The following ZDHHC14 variants were observed in gnomAD, a reference collection of about 807,000 sequenced individuals.
ZDHHC14 encodes the protein palmitoyltransferase ZDHHC14.
ZDHHC14 carries 16 observed loss-of-function variants against 47.7 expected under a neutral mutation model. The ratio of observed to expected loss-of-function variants is 0.34; its 90% CI spans 0.23 to 0.51. ZDHHC14 has a LOEUF of 0.51. Ranked by LOEUF, ZDHHC14 falls within the 20% of genes least tolerant of loss-of-function variation. The pLI is 0.97. For missense variants in ZDHHC14, 515 were observed against 662.5 expected (o/e 0.78, Z 2.44); for synonymous variants, 293 against 278.9 (o/e 1.05, Z -0.50).
intron 1 of ZDHHC14, among the ~76,000 whole-genome samples, chr6:157,511,390 T>C (rs1421193682): frequency 1.3e-5 from 2 of 151,382 alleles, no homozygotes; most frequent in Non-Finnish European, 2.9e-5. Flanking sequence ...GGAAACTTTT[T>C]TTTTTTTTGA....
chr6:157,389,024 A>G lies in ZDHHC14; in HGVS notation c.245+6758A>G, dbSNP rs144550276. Among the ~76,000 whole-genome samples the G allele has an allele frequency of 9.5e-4, 145 of 152,326 alleles. 1 individual carries two copies. Among genetic ancestry groups the G allele is most frequent in the African/African-American group, 3.4e-3 (140 of 41,572 alleles). On this transcript the variant is annotated intron_variant, in intron 1 of 8. Coordinates refer to ENST00000359775, the MANE Select transcript of ZDHHC14 (RefSeq NM_024630.3). ...GTTTGGTTTATTTTTCTTTACAAAT[A>G]TGGTATCATGTATCATGCCATATGT...
intron 3 of ZDHHC14, among the ~76,000 whole-genome samples, chr6:157,603,163 A>G (rs1052199628): frequency 3.3e-5 from 5 of 152,178 alleles, no homozygotes; most frequent in Admixed American, 6.5e-5. Flanking sequence ...GAATCCAGCC[A>G]TCTCTGTGGA....
chr6:157,531,632 C>T (rs905663056), intron 1 of ZDHHC14, among the ~76,000 whole-genome samples: 12 of 151,190 alleles, frequency 7.9e-5, no homozygotes. Context: ...TGCCAGGAAG[C>T]GAGGGTCTTG....
chr6:157,410,173 C>T (rs892294411), intron 1 of ZDHHC14, among the ~76,000 whole-genome samples: 5 of 152,154 alleles, frequency 3.3e-5, no homozygotes, highest in African/African-American at 1.2e-4. Flanking sequence ...CTGTCCTTTC[C>T]TTGTGGCTTC....
chr6:157,615,980 C>A (rs1283864861), intron 3 of ZDHHC14, among the ~76,000 whole-genome samples: 2 of 152,194 alleles, frequency 1.3e-5, no homozygotes, highest in African/African-American at 4.8e-5. Flanking sequence ...GCTTGGAAAC[C>A]CAGACCTCAG....
intron 1 of ZDHHC14, among the ~76,000 whole-genome samples, chr6:157,440,451 G>A (rs909836807): frequency 6.6e-6 from 1 of 152,152 alleles, no homozygotes; most frequent in Admixed American, 6.6e-5. Context: ...CTTGTACATT[G>A]CTGGTGGGAA....
At chr6:157,533,819 T>C (rs1411687168) in intron 1 of ZDHHC14, among the ~76,000 whole-genome samples, 1 of 152,200 alleles carries the variant, frequency 6.6e-6, no homozygotes, top group East Asian at 1.9e-4. Flanking sequence ...GCTCTAAATG[T>C]GGAGATGTTT....
intron 1 of ZDHHC14, among the ~76,000 whole-genome samples, chr6:157,468,893 T>C (rs1779287554): frequency 6.6e-6 from 1 of 152,204 alleles, no homozygotes; most frequent in Admixed American, 6.5e-5. Flanking sequence ...GGATTTAAGA[T>C]CATTTAACTG....
chr6:157,437,975 A>G (rs145809951), intron 1 of ZDHHC14, among the ~76,000 whole-genome samples: 1 of 152,302 alleles, frequency 6.6e-6, no homozygotes, highest in East Asian at 1.9e-4. Flanking sequence ...ATAGGTATAA[A>G]GCTAATTAAA....
At position 157,463,696 on chromosome 6, in the gene ZDHHC14, A is replaced by G. The variant is rs943658843; in HGVS notation, c.246-78889A>G. Among the ~76,000 whole-genome samples, 11 of 152,212 alleles carry G rather than the reference A, an allele frequency of 7.2e-5. No individual in the cohort carries two copies. Among genetic ancestry groups the G allele is most frequent in the African/African-American group, 2.4e-4 (10 of 41,446 alleles). Reference sequence around the variant, plus strand: ...CAGATGGTGCTGGCACTTCGTCCCAATGTCTCCCCGCTTTACCTTTCATTA... The same window carrying G: ...CAGATGGTGCTGGCACTTCGTCCCAGTGTCTCCCCGCTTTACCTTTCATTA... On this transcript the variant is annotated intron_variant, in intron 1 of 8. Transcript: ENST00000359775. This position sits in a 1 kb window ranked among gnomAD's most constrained non-coding sequence, Gnocchi z 4.4.
intron 1 of ZDHHC14, among the ~76,000 whole-genome samples, chr6:157,419,072 C>A (rs2114767379): frequency 1.3e-5 from 2 of 152,306 alleles, no homozygotes; most frequent in Middle Eastern, 6.8e-3. Flanking sequence ...TGGAATAGGA[C>A]TGGGGAATTC....
chr6:157,438,734 G>A (rs144723194), intron 1 of ZDHHC14, among the ~76,000 whole-genome samples: 10 of 152,290 alleles, frequency 6.6e-5, no homozygotes, highest in East Asian at 3.9e-4. Flanking sequence ...TTTGAAATCC[G>A]AAAGTCTGGA....
chr6:157,416,599 T>C (rs1777975858), intron 1 of ZDHHC14, among the ~76,000 whole-genome samples: 1 of 137,336 alleles, frequency 7.3e-6, no homozygotes, highest in Non-Finnish European at 1.5e-5. Context: ...GCCCAGAAGA[T>C]ACAGGATGTA....
chr6:157,621,341 G>A (rs1479935743), intron 3 of ZDHHC14, among the ~76,000 whole-genome samples: 1 of 151,878 alleles, frequency 6.6e-6, no homozygotes, highest in African/African-American at 2.4e-5. Context: ...AATTTTGGAG[G>A]TAAAAAAGCC....
At chr6:157,663,027 A>G (rs569125536) in intron 8 of ZDHHC14, among the ~76,000 whole-genome samples, 1 of 152,394 alleles carries the variant, frequency 6.6e-6, no homozygotes, top group South Asian at 2.1e-4. Context: ...ATCCCCAAGC[A>G]CACATATGAT....
At chr6:157,470,964 C>T (rs562083748) in intron 1 of ZDHHC14, among the ~76,000 whole-genome samples, 2 of 152,140 alleles carry the variant, frequency 1.3e-5, no homozygotes, top group African/African-American at 4.8e-5. Context: ...TCAGACCTGG[C>T]CTGGAGAGCT....
At chr6:157,669,016 G>A (rs1466385055) in intron 8 of ZDHHC14, among the ~76,000 whole-genome samples, 2 of 152,218 alleles carry the variant, frequency 1.3e-5, no homozygotes, top group Non-Finnish European at 2.9e-5. Flanking sequence ...AAGAGGCTGT[G>A]TAAGTAAAGG....
intron 5 of ZDHHC14, among the ~76,000 whole-genome samples, chr6:157,635,877 A>G (rs913456505): frequency 4.6e-5 from 7 of 152,210 alleles, no homozygotes; most frequent in Non-Finnish European, 8.8e-5. Flanking sequence ...TCATTCTCGG[A>G]TGGAGGTAAA....
At chr6:157,397,725 C>T (rs1236834719) in intron 1 of ZDHHC14, among the ~76,000 whole-genome samples, 1 of 152,154 alleles carries the variant, frequency 6.6e-6, no homozygotes, top group Non-Finnish European at 1.5e-5. Context: ...CGTTATTCTC[C>T]CTTCCACATC....
Sources: gnomAD v4.1 joint callset for allele counts (sites outside exome capture counted in the v4.1 genomes callset) on GRCh38, gnomAD v4.1.1 for gene constraint, Gnocchi (gnomAD v3.1) non-coding constraint, MANE v1.5 for transcripts, NCBI Gene and HGNC (gene_info 2026-07-23, HGNC 2026-07-21) for gene names.